ISCU: variants seen among roughly 807,000 people sequenced by gnomAD.
ISCU encodes the protein iron-sulfur cluster assembly enzyme ISCU.
ISCU carries 13 observed loss-of-function variants against 18.4 expected under a neutral mutation model. The ratio of observed to expected loss-of-function variants is 0.71; its 90% confidence interval spans 0.46 to 1.12. The LOEUF is 1.12. Ranked by LOEUF, ISCU falls within the 50% of genes most tolerant of loss-of-function variation. The pLI, the probability that ISCU is intolerant of heterozygous loss-of-function variation, is 0.00. For synonymous variants in ISCU, 104 were observed against 87.5 expected (o/e 1.19, Z -1.06); for missense variants, 229 against 208.7 (o/e 1.10, Z -0.60).
upstream of ISCU, among the ~76,000 whole-genome samples, chr12:108,562,352 A>G (rs1301500966): frequency 1.6e-5 from 1 of 64,244 alleles, no homozygotes; most frequent in African/African-American, 3.2e-5. Flanking sequence ...TGAGCCCCAC[A>G]CTGCAGAAGC....
intron 1 of ISCU, chr12:108,562,972 A>G (rs372227266): frequency 2.5e-4 from 91 of 370,600 alleles, no homozygotes; most frequent in African/African-American, 5.9e-4. Flanking sequence ...GTGCGTCCCA[A>G]TTTTAAATTC....
At position 108,564,477 on chromosome 12, in the gene ISCU, T is replaced by C. The variant is rs1453851626; in HGVS notation, c.228+85T>C. On this transcript the variant is annotated intron_variant, in intron 2 of 4. Transcript: ENST00000311893. ...GCGCATTTCACTTGGTCTCCATCTT[T>C]ATTCCTGTGAGATCTCCAAGCATTT... 3.3e-6 allele frequency: 3 copies of C among 911,218 alleles called. No homozygotes were observed. The African/African-American group carries it at 4.9e-5, about 15-fold the overall frequency. The allele number at this position is 911,218 out of a possible 1,614,324, so 56.4% of individuals were successfully genotyped here.
chr12:108,567,389 A>T (rs2030951308), intron 4 of ISCU, 121 bp downstream of exon 4: 4 of 858,260 alleles, frequency 4.7e-6, no homozygotes, highest in South Asian at 4.1e-5. Flanking sequence ...AGAGCTCATG[A>T]GTCTGTCCTT....
intron 4 of ISCU, chr12:108,568,459 G>C: frequency 1.7e-6 from 2 of 1,150,088 alleles, no homozygotes; most frequent in Non-Finnish European, 2.2e-6. Flanking sequence ...TTTGATGGGA[G>C]CAGGCAAGAA....
Position 108,569,158 on chromosome 12 carries a change from G to C in ISCU, c.*242G>C. On this transcript the variant is annotated 3_prime_UTR_variant, in exon 5 of 5. Transcript: ENST00000311893. ...CTAGTTAATGTATATTTTGAATTGT[G>C]TGTATGACCTCAGAACTGAAATTGA... 1.9e-6 allele frequency: 1 copy of C among 525,688 alleles called. No individual in the cohort carries two copies. The highest frequency in any genetic ancestry group is 2.1e-5 in the South Asian group (1 of 47,562). The allele number at this position is 525,688 out of a possible 1,614,324, so 32.6% of individuals were successfully genotyped here.
chr12:108,568,848 A>C lies in ISCU; in HGVS notation c.436A>C (p.Ile146Leu). 2 of 1,613,444 alleles carry C rather than the reference A, an allele frequency of 1.2e-6. No homozygotes were observed. The highest frequency in any genetic ancestry group is 1.7e-6 in the Non-Finnish European group (2 of 1,179,752). ...LHCSMLAEDAIKAALADYKLK... is the reference protein window; with the variant it reads ...LHCSMLAEDALKAALADYKLK... ...ACTTCCAGTGCTGGCTGAAGATGCA[A>C]TCAAGGCCGCCCTGGCTGATTACAA... Residue 146 changes from isoleucine (I) to leucine (L), a missense_variant, in exon 5 of 5, where the codon ATC (isoleucine) becomes CTC (leucine). Ile to Leu is a conservative substitution (Grantham distance 5). Coordinates refer to ENST00000311893, the MANE Select transcript of ISCU (RefSeq NM_213595.4).
rs1270074464 is a variant in ISCU, at chr12:108,564,374, T to C, written c.210T>C (p.Gly70=). ...GTGLVGAPAC[G]DVMKLQIQVD... Reference sequence around the variant, plus strand: ...GACTGGTGGGGGCTCCAGCATGTGGTGACGTAATGAAATTACAGGTATGGC... The same window carrying C: ...GACTGGTGGGGGCTCCAGCATGTGGCGACGTAATGAAATTACAGGTATGGC... The change falls in exon 2 of 5, where the codon GGT becomes GGC. Residue 70 remains glycine (G), a synonymous_variant. Transcript: ENST00000311893. The C allele has an allele frequency of 6.8e-6, 11 of 1,612,658 alleles. No individual in the cohort carries two copies. The highest frequency in any genetic ancestry group is 1.3e-5 in the African/African-American group (1 of 74,934).
In ISCU at chr12:108,562,645, G is replaced by A. The variant is rs1222524283; in HGVS notation, c.23G>A (p.Arg8His). The change falls in exon 1 of 5, where the codon CGT becomes CAT. Residue 8 changes from arginine to histidine, a missense_variant. Transcript: ENST00000311893. ...AAGATGGCGGCGGCTGGGGCTTTCC[G>A]TCTGAGGCGGGCGGCATCGGCTCTG... Reference protein sequence around the residue: MAAAGAFRLRRAASALLL... With the variant: MAAAGAFHLRRAASALLL... The A allele has an allele frequency of 6.8e-7, 1 of 1,481,324 alleles. No homozygotes were observed. The highest frequency in any genetic ancestry group is 1.5e-5 in the African/African-American group (1 of 68,770). The allele number at this position is 1,481,324 out of a possible 1,614,324, so 91.8% of individuals were successfully genotyped here. A position where few individuals can be genotyped will look rare whatever the true frequency, so the allele number is the denominator to read the frequency against.
chr12:108,563,052 G>A (rs1378141574), intron 1 of ISCU: 1 of 217,588 alleles, frequency 4.6e-6, no homozygotes, highest in Non-Finnish European at 9.0e-6. Context: ...CACACCCCCG[G>A]AGCGGGCTCC....
chr12:108,564,888 G>T (rs1485549449), intron 2 of ISCU: 1 of 260,780 alleles, frequency 3.8e-6, no homozygotes, highest in Non-Finnish European at 7.4e-6. Flanking sequence ...ACCTATCTTG[G>T]AATACAGAAA....
upstream of ISCU, among the ~76,000 whole-genome samples, chr12:108,562,004 G>C (rs1365469339): frequency 6.6e-6 from 1 of 152,148 alleles, no homozygotes; most frequent in Non-Finnish European, 1.5e-5. Context: ...GGATCCCCGG[G>C]TCTAGTAGAG....
chr12:108,563,706 G>A, intron 1 of ISCU: 2 of 332,322 alleles, frequency 6.0e-6, no homozygotes, highest in Non-Finnish European at 1.2e-5. Context: ...AAGAAACTTG[G>A]ACTAGCAGCC....
At chr12:108,568,112 G>T in intron 4 of ISCU, 1 of 1,366,230 alleles carries the variant, frequency 7.3e-7, no homozygotes, top group Non-Finnish European at 9.4e-7. Flanking sequence ...CACTTGATCT[G>T]GAATTTTAAG....
chr12:108,565,528 T>C, intron 3 of ISCU, 97 bp downstream of exon 3: 1 of 775,220 alleles, frequency 1.3e-6, no homozygotes, highest in South Asian at 1.5e-5. Context: ...CAGATGTTGA[T>C]TATATTATCA....
chr12:108,568,215 CT>C, intron 4 of ISCU: 2 of 1,251,108 alleles, frequency 1.6e-6, no homozygotes, highest in South Asian at 2.8e-5. Context: ...GTACTGAAAC[CT>C]TTAGCTGATG....
In ISCU at chr12:108,567,280, C is replaced by T. The variant is rs201246305; in HGVS notation, c.418+12C>T. 52 of 1,601,860 alleles carry T rather than the reference C, an allele frequency of 3.2e-5. No individual in the cohort carries two copies. In the Admixed American group the frequency reaches 8.2e-4, roughly 25 times the overall value. On this transcript the variant is annotated intron_variant, in intron 4 of 4. Transcript: ENST00000311893. ...ACTGCACTGCTCCAGTAAGTCTCTG[C>T]TCTCCATACCAGTCAGCTGGGACAT...
At chr12:108,568,141 A>G (rs2030988227) in intron 4 of ISCU, 8 of 1,352,840 alleles carry the variant, frequency 5.9e-6, no homozygotes, top group Non-Finnish European at 7.6e-6. Context: ...AAGAAAGGTC[A>G]TCACTTGTAA....
In ISCU at chr12:108,565,373, G is replaced by A. The variant is rs2030842425; in HGVS notation, c.281G>A (p.Gly94Asp). The A allele has an allele frequency of 6.2e-7, 1 of 1,614,056 alleles. No homozygotes were observed. The highest frequency in any genetic ancestry group is 8.5e-7 in the Non-Finnish European group (1 of 1,180,028). Residue 94 changes from glycine to aspartate, a missense_variant, in exon 3 of 5, where the codon GGC (glycine) becomes GAC (aspartate). Physicochemically the swap from Gly to Asp is moderately conservative, Grantham distance 94. Transcript: ENST00000311893. The stretch of plus-strand genomic sequence containing the variant: ...GTGGATGCTAGGTTTAAAACATTTG[G>A]CTGTGGTTCCGCAATTGCCTCCAGC... ...KIVDARFKTF[G>D]CGSAIASSSL...
chr12:108,567,155 G>A, intron 3 of ISCU, 35 bp from the exon 4 acceptor site: 1 of 1,513,004 alleles, frequency 6.6e-7, no homozygotes, highest in African/African-American at 1.4e-5. Context: ...ATAAAGTGTT[G>A]CTAAAACTGC....
Sources: gnomAD v4.1 joint callset for allele counts (sites outside exome capture counted in the v4.1 genomes callset) on GRCh38, gnomAD v4.1.1 for gene constraint, MANE v1.5 for transcripts, NCBI Gene and HGNC (gene_info 2026-07-23, HGNC 2026-07-21) for gene names.